The following ADAMTS19 variants were observed in gnomAD, a reference collection of about 807,000 sequenced individuals.
ADAMTS19 encodes ADAM metallopeptidase with thrombospondin type 1 motif 19.
A neutral mutation model predicts 153.3 loss-of-function variants in ADAMTS19; 93 were observed. The ratio of observed to expected loss-of-function variants is 0.61; its 90% CI spans 0.51 to 0.72. ADAMTS19 has a LOEUF of 0.72. Ranked by LOEUF, ADAMTS19 falls within the 30% of genes least tolerant of loss-of-function variation. The probability of loss-of-function intolerance (pLI) is 0.00; values close to 1 mark genes in which losing one functional copy is unlikely to be tolerated. For synonymous variants in ADAMTS19, 600 were observed against 556.6 expected (o/e 1.08, Z -1.10); for missense variants, 1,482 against 1,552.1 (o/e 0.95, Z 0.76).
chr5:129,599,702 G>C (rs1750553809), intron 8 of ADAMTS19, among the ~76,000 whole-genome samples: 2 of 152,040 alleles, frequency 1.3e-5, no homozygotes, highest in South Asian at 2.1e-4. Flanking sequence ...TTAGGGAAAG[G>C]CCACTTCAGT....
intron 6 of ADAMTS19, among the ~76,000 whole-genome samples, chr5:129,540,670 C>T (rs1217263286): frequency 2.6e-5 from 4 of 151,970 alleles, no homozygotes; most frequent in African/African-American, 2.4e-5. Context: ...ATACAAATTA[C>T]AGAATAATTT....
chr5:129,697,413 C>T (rs189992053), intron 19 of ADAMTS19, among the ~76,000 whole-genome samples: 184 of 152,250 alleles, frequency 1.2e-3, no homozygotes, highest in Non-Finnish European at 2.0e-3. Flanking sequence ...TCAACTTTTC[C>T]TGTCTTTTGC....
At chr5:129,614,420 A>G (rs1302487366) in intron 8 of ADAMTS19, among the ~76,000 whole-genome samples, 5 of 152,164 alleles carry the variant, frequency 3.3e-5, no homozygotes, top group Non-Finnish European at 7.3e-5. Context: ...TATAAACAGA[A>G]CCAAAGACAA....
chr5:129,611,924 G>T (rs1218975445), intron 8 of ADAMTS19, among the ~76,000 whole-genome samples: 1 of 152,068 alleles, frequency 6.6e-6, no homozygotes, highest in African/African-American at 2.4e-5. Context: ...CCAGAAGAGA[G>T]TGGGGGCTAA....
rs1180120661 is a variant in ADAMTS19 at position 129,702,942 on chromosome 5, ATATATATATATATAT to A, written c.3160-1296_3160-1282del. Among the ~76,000 whole-genome samples the A allele has an allele frequency of 1.7e-3, 33 of 19,884 alleles. 1 individual carries two copies. Among genetic ancestry groups the A allele is most frequent in the Admixed American group, 8.4e-3 (9 of 1,074 alleles). The allele number at this position is 19,884 out of a possible 152,430, so 13.0% of individuals were successfully genotyped here. ...AGTTTGACTTGCCAAAAAAAAAAAAATATATATATATATATATATATATATATATACAAATACATA... is the reference window on the plus strand; with the variant it reads ...AGTTTGACTTGCCAAAAAAAAAAAAAATATATATATATATACAAATACATA... On this transcript the variant is annotated intron_variant, in intron 20 of 22. Transcript: ENST00000274487.
rs551349221 is a variant in ADAMTS19, at chr5:129,461,074, C to T, written c.92-28C>T. On this transcript the variant is annotated intron_variant, in intron 1 of 22. Transcript: ENST00000274487. This position sits in a 1 kb window ranked among gnomAD's most constrained non-coding sequence, Gnocchi z 4.6. Reference sequence around the variant, plus strand: ...CTACTGGAACCGCGGCACTTTAAGCCCCGCACTTCTGTCTGCCCCGCCCGC... The same window carrying T: ...CTACTGGAACCGCGGCACTTTAAGCTCCGCACTTCTGTCTGCCCCGCCCGC... 1.2e-4 allele frequency: 157 copies of T among 1,355,872 alleles called. No homozygotes were observed. In the Admixed American group the frequency reaches 1.3e-3, roughly 11 times the overall value. The allele number at this position is 1,355,872 out of a possible 1,614,324, so 84.0% of individuals were successfully genotyped here.
At chr5:129,627,063 G>T (rs961838173) in intron 10 of ADAMTS19, among the ~76,000 whole-genome samples, 2 of 152,030 alleles carry the variant, frequency 1.3e-5, no homozygotes, top group African/African-American at 4.8e-5. Flanking sequence ...GGGTCATGTC[G>T]TGAGATGCCC....
chr5:129,541,980 T>C (rs1253282329), intron 6 of ADAMTS19, among the ~76,000 whole-genome samples: 3 of 152,142 alleles, frequency 2.0e-5, no homozygotes, highest in Non-Finnish European at 4.4e-5. Context: ...TTTCCATTCA[T>C]CTTCATCTAT....
At chr5:129,502,993 G>T (rs1751152349) in intron 2 of ADAMTS19, among the ~76,000 whole-genome samples, 1 of 152,290 alleles carries the variant, frequency 6.6e-6, no homozygotes, top group Middle Eastern at 3.4e-3. Context: ...TGATTTTGAA[G>T]AATTGATAGC....
rs116138557 is a variant in ADAMTS19, at chr5:129,537,975, G to A, written c.1328+9298G>A. Among the ~76,000 whole-genome samples the A allele has an allele frequency of 4.6e-3, 700 of 152,066 alleles. 7 individuals are homozygous for A. Among genetic ancestry groups the A allele is most frequent in the African/African-American group, 0.016 (650 of 41,510 alleles). On this transcript the variant is annotated intron_variant, in intron 6 of 22. Transcript: ENST00000274487. ...AAAAGAAAAAAAAGAGTAGTAAATT[G>A]AAGTTGGTAGAAGGGATGGAAAGAT...
intron 7 of ADAMTS19, among the ~76,000 whole-genome samples, chr5:129,584,449 C>T (rs1255499908): frequency 1.3e-5 from 2 of 152,212 alleles, no homozygotes; most frequent in African/African-American, 4.8e-5. Flanking sequence ...CTGCTCTCTT[C>T]AGAGCCGCAG....
intron 3 of ADAMTS19, among the ~76,000 whole-genome samples, chr5:129,509,765 C>T (rs1032705354): frequency 6.6e-6 from 1 of 151,904 alleles, no homozygotes; most frequent in African/African-American, 2.4e-5. Context: ...ATTCAAATCC[C>T]TTAAGTCTGG....
intron 2 of ADAMTS19, among the ~76,000 whole-genome samples, chr5:129,501,499 C>T (rs1751106952): frequency 2.6e-5 from 4 of 152,138 alleles, no homozygotes; most frequent in South Asian, 2.1e-4. Flanking sequence ...TTATGCTTGA[C>T]GTCCAAACCC....
intron 10 of ADAMTS19, among the ~76,000 whole-genome samples, chr5:129,625,889 T>C (rs1752020255): frequency 6.6e-6 from 1 of 152,178 alleles, no homozygotes; most frequent in Non-Finnish European, 1.5e-5. Context: ...TGCCATTGCT[T>C]TTGGTGTTTT....
intron 6 of ADAMTS19, among the ~76,000 whole-genome samples, chr5:129,530,926 A>G (rs565940688): frequency 8.8e-4 from 134 of 152,250 alleles, no homozygotes; most frequent in African/African-American, 3.0e-3. Flanking sequence ...TCTAACAAAA[A>G]TTTGCTAGAA....
intron 7 of ADAMTS19, among the ~76,000 whole-genome samples, chr5:129,580,861 C>T (rs1270025995): frequency 3.3e-5 from 5 of 152,072 alleles, no homozygotes; most frequent in Admixed American, 3.3e-4. Context: ...ATTTTTGCAT[C>T]GATGTTCGTC....
chr5:129,614,860 G>A (rs1234709163), intron 8 of ADAMTS19, among the ~76,000 whole-genome samples: 1 of 152,040 alleles, frequency 6.6e-6, no homozygotes, highest in East Asian at 1.9e-4. Context: ...AAAGCAATGT[G>A]CAAAAATCAC....
At chr5:129,696,536 T>C (rs1283397649) in intron 19 of ADAMTS19, among the ~76,000 whole-genome samples, 1 of 152,250 alleles carries the variant, frequency 6.6e-6, no homozygotes, top group African/African-American at 2.4e-5. Context: ...CCAATCAATT[T>C]AGAAGCTTAT....
chr5:129,559,707 A>C (rs1417676206), intron 7 of ADAMTS19, among the ~76,000 whole-genome samples: 1 of 152,190 alleles, frequency 6.6e-6, no homozygotes, highest in Non-Finnish European at 1.5e-5. Flanking sequence ...AAATGCAAAC[A>C]TATATCCAAG....
Sources: gnomAD v4.1 joint callset for allele counts (sites outside exome capture counted in the v4.1 genomes callset) on GRCh38, gnomAD v4.1.1 for gene constraint, Gnocchi (gnomAD v3.1) non-coding constraint, MANE v1.5 for transcripts, NCBI Gene and HGNC (gene_info 2026-07-23, HGNC 2026-07-21) for gene names.